Variants in GALNT13 observed in about 807,000 individuals in gnomAD.
GALNT13 encodes UDP-GalNAc:polypeptide N-acetylgalactosaminyltransferase 13.
GALNT13 carries 28 observed loss-of-function variants against 64.2 expected under a neutral mutation model. The ratio of observed to expected loss-of-function variants is 0.44; its 90% CI spans 0.32 to 0.60. The LOEUF (loss-of-function observed/expected upper bound fraction) is 0.60, where lower values mean the gene tolerates loss of function less well. Among genes scored for constraint, GALNT13 ranks in the 20% least tolerant of loss-of-function variants. The probability of loss-of-function intolerance (pLI) is 0.05; values close to 1 mark genes in which losing one functional copy is unlikely to be tolerated. For synonymous variants in GALNT13, 214 were observed against 224.6 expected, an observed-to-expected ratio of 0.95 and a Z score of 0.42; for missense variants, 577 against 669.8, an observed-to-expected ratio of 0.86 and a Z score of 1.53.
At chr2:153,252,677 G>T in the GALNT13 span, among the ~76,000 whole-genome samples, 1 of 152,274 alleles carries the variant, frequency 6.6e-6, no homozygotes, top group South Asian at 2.1e-4. Flanking sequence ...TCCAGTTTCA[G>T]CTTTCTCCAT....
At chr2:153,735,133 A>G in the GALNT13 span, among the ~76,000 whole-genome samples, 26 of 152,130 alleles carry the variant, frequency 1.7e-4, no homozygotes, top group African/African-American at 6.3e-4. Context: ...GCATTTCTAA[A>G]TTTTTATTTT....
At chr2:154,266,995 A>G (rs971334251) in intron 8 of GALNT13, among the ~76,000 whole-genome samples, 8 of 152,124 alleles carry the variant, frequency 5.3e-5, no homozygotes, top group Non-Finnish European at 1.0e-4. Flanking sequence ...TGTTATTAAC[A>G]TAAAGACAGA....
At chr2:154,277,574 A>G (rs2105933576) in intron 8 of GALNT13, among the ~76,000 whole-genome samples, 1 of 152,250 alleles carries the variant, frequency 6.6e-6, no homozygotes, top group Non-Finnish European at 1.5e-5. Context: ...AAGACCGAAC[A>G]ATTTCTGCAA....
intron 4 of GALNT13, among the ~76,000 whole-genome samples, chr2:154,146,809 C>T (rs1007599306): frequency 2.0e-5 from 3 of 152,152 alleles, no homozygotes; most frequent in South Asian, 2.1e-4. Context: ...CAGAGTTTCC[C>T]ACCTTAGAAG....
rs1381826813 is a variant in GALNT13 at position 154,392,037 on chromosome 2, A to G, written c.1157-3954A>G. Among the ~76,000 whole-genome samples, 4 of 152,216 alleles carry G rather than the reference A, an allele frequency of 2.6e-5. No homozygotes were observed. In the East Asian group the frequency reaches 7.7e-4, roughly 29 times the overall value. On this transcript the variant is annotated intron_variant, in intron 9 of 12. Coordinates refer to ENST00000392825, the MANE Select transcript of GALNT13 (RefSeq NM_052917.4). ...GTAACACCATTACAGACAGAAAAAA[A>G]GAAGTATAAAGCCTTGAATTGTTGA...
intron 4 of GALNT13, among the ~76,000 whole-genome samples, chr2:154,212,533 T>G (rs1210570579): frequency 6.6e-6 from 1 of 152,148 alleles, no homozygotes; most frequent in Non-Finnish European, 1.5e-5. Flanking sequence ...CGTGAGCCAC[T>G]GTGCCCAGCC....
chr2:153,469,459 C>T, the GALNT13 span, among the ~76,000 whole-genome samples: 1 of 152,044 alleles, frequency 6.6e-6, no homozygotes, highest in Admixed American at 6.6e-5. Flanking sequence ...ACTTGCAAAG[C>T]AGACAGTCAC....
At chr2:153,463,376 T>C in the GALNT13 span, among the ~76,000 whole-genome samples, 1 of 152,128 alleles carries the variant, frequency 6.6e-6, no homozygotes, top group Non-Finnish European at 1.5e-5. Flanking sequence ...ATCGAACATG[T>C]AGCCTCTCTC....
chr2:153,268,043 C>T, the GALNT13 span, among the ~76,000 whole-genome samples: 86 of 152,272 alleles, frequency 5.6e-4, no homozygotes, highest in African/African-American at 2.0e-3. Flanking sequence ...CTTCCCAAAC[C>T]TCTTGTTCTC....
chr2:154,322,126 T>C (rs1432230350), intron 9 of GALNT13, among the ~76,000 whole-genome samples: 1 of 151,042 alleles, frequency 6.6e-6, no homozygotes, highest in East Asian at 1.9e-4. Flanking sequence ...AGTTTGAGTT[T>C]ACTTTCTAAA....
intron 3 of GALNT13, among the ~76,000 whole-genome samples, chr2:154,090,137 G>T (rs1422575519): frequency 1.3e-5 from 2 of 151,974 alleles, no homozygotes; most frequent in African/African-American, 4.8e-5. Flanking sequence ...AGATATCTAT[G>T]CATAACAAGA....
upstream of GALNT13, among the ~76,000 whole-genome samples, chr2:153,871,106 T>C (rs888771022): frequency 6.6e-6 from 1 of 151,122 alleles, no homozygotes; most frequent in Non-Finnish European, 1.5e-5. Context: ...TCTTTACATG[T>C]ATTTAAACTC....
chr2:153,539,113 G>C, the GALNT13 span, among the ~76,000 whole-genome samples: 1 of 141,210 alleles, frequency 7.1e-6, no homozygotes, highest in Non-Finnish European at 1.5e-5. Context: ...ATCTCATTGT[G>C]GTTTTGATTT....
At chr2:154,184,866 T>C in intron 4 of GALNT13, among the ~76,000 whole-genome samples, 1 of 152,286 alleles carries the variant, frequency 6.6e-6, no homozygotes, top group Middle Eastern at 3.4e-3. Flanking sequence ...TCTTAACTTT[T>C]ATATTAGAAT....
the GALNT13 span, among the ~76,000 whole-genome samples, chr2:153,668,030 A>G: frequency 6.6e-5 from 10 of 152,250 alleles, no homozygotes. Flanking sequence ...AGGGCACTAC[A>G]TAATGATAAA....
At chr2:153,780,812 G>T in the GALNT13 span, among the ~76,000 whole-genome samples, 5 of 152,106 alleles carry the variant, frequency 3.3e-5, no homozygotes, top group Non-Finnish European at 5.9e-5. Context: ...TAGATTGAGG[G>T]GTTATTATGT....
the GALNT13 span, among the ~76,000 whole-genome samples, chr2:153,379,509 CTTT>C: frequency 6.6e-6 from 1 of 152,144 alleles, no homozygotes; most frequent in Non-Finnish European, 1.5e-5. Context: ...AATCAGACTT[CTTT>C]GTCTTCAAAA....
chr2:153,286,137 C>T, the GALNT13 span, among the ~76,000 whole-genome samples: 2 of 151,966 alleles, frequency 1.3e-5, no homozygotes, highest in Non-Finnish European at 2.9e-5. Context: ...AAGAAATCTG[C>T]CTTGAATTAA....
intron 9 of GALNT13, among the ~76,000 whole-genome samples, chr2:154,306,863 C>T (rs562648564): frequency 6.6e-6 from 1 of 152,184 alleles, no homozygotes; most frequent in East Asian, 1.9e-4. Flanking sequence ...TGGAGAGGTT[C>T]AGAATCTTGT....
Sources: gnomAD v4.1 joint callset for allele counts (sites outside exome capture counted in the v4.1 genomes callset) on GRCh38, gnomAD v4.1.1 for gene constraint, MANE v1.5 for transcripts, NCBI Gene and HGNC (gene_info 2026-07-23, HGNC 2026-07-21) for gene names.